Variants in PCDHA6 observed in about 807,000 individuals in gnomAD.
PCDHA6 encodes protocadherin alpha-6.
Under a neutral mutation model 60.3 loss-of-function variants are expected in PCDHA6, and 55 were observed. The observed-to-expected ratio is 0.91, with a 90% CI of 0.73 to 1.14. The LOEUF is 1.14. Among genes scored for constraint, PCDHA6 ranks in the 50% most tolerant of loss-of-function variants. The probability of loss-of-function intolerance (pLI) is 0.00; values close to 1 mark genes in which losing one functional copy is unlikely to be tolerated. For missense variants in PCDHA6, 1,327 were observed against 1,256.5 expected (o/e 1.06, Z -0.85); for synonymous variants, 652 against 557.9 (o/e 1.17, Z -2.38).
intron 1 of PCDHA6, among the ~76,000 whole-genome samples, chr5:140,933,589 G>T (rs1369666636): frequency 8.6e-5 from 13 of 152,012 alleles, no homozygotes; most frequent in Non-Finnish European, 2.9e-5. Context: ...GGGTTTTTAG[G>T]TTGATTTGTC....
intron 3 of PCDHA6, among the ~76,000 whole-genome samples, chr5:140,982,811 A>G (rs1024619481): frequency 1.3e-5 from 2 of 150,966 alleles, no homozygotes; most frequent in Non-Finnish European, 1.5e-5. Flanking sequence ...GTGTGTGTGT[A>G]TGAAGTTTTT....
intron 3 of PCDHA6, among the ~76,000 whole-genome samples, chr5:141,007,362 G>A (rs1554261189): frequency 6.8e-6 from 1 of 146,590 alleles, no homozygotes; most frequent in Non-Finnish European, 1.5e-5. Context: ...ACCAGCCTGG[G>A]CAACATGATG....
intron 1 of PCDHA6, among the ~76,000 whole-genome samples, chr5:140,917,270 T>C (rs782142831): frequency 2.6e-5 from 4 of 151,228 alleles, no homozygotes; most frequent in Admixed American, 6.6e-5. Context: ...GTTTGGTTTT[T>C]GTAATGACGC....
intron 3 of PCDHA6, among the ~76,000 whole-genome samples, chr5:140,986,524 G>C (rs2097203903): frequency 6.6e-6 from 1 of 152,198 alleles, no homozygotes; most frequent in South Asian, 2.1e-4. Flanking sequence ...GCCTGTGAGG[G>C]AACTGGCCTG....
intron 1 of PCDHA6, chr5:140,851,075 A>C: frequency 7.4e-7 from 1 of 1,344,688 alleles, no homozygotes; most frequent in South Asian, 2.1e-5. Flanking sequence ...GAGAATTATA[A>C]ACTGTATATT....
At chr5:140,833,150 C>A (rs1477440208) in intron 1 of PCDHA6, among the ~76,000 whole-genome samples, 1 of 151,886 alleles carries the variant, frequency 6.6e-6, no homozygotes, top group Admixed American at 6.6e-5. Context: ...TGAAGCAATA[C>A]GAATAAAAAG....
rs1554213921 is a variant in PCDHA6 at position 140,941,202 on chromosome 5, C to CTTTCTTTCTTTCTTTCTTT, written c.2395-37747_2395-37746insTTTCTTTCTTTCTTTCTTT. ...TCCTGCTTCTTTTTTTTTCTTTCTT[C>CTTTCTTTCTTTCTTTCTTT]CTTTCTTTCTTCCTTTCTTTCTTTC... On this transcript the variant is annotated intron_variant, in intron 1 of 3. Coordinates refer to ENST00000529310, the MANE Select transcript of PCDHA6 (RefSeq NM_018909.4). Among the ~76,000 whole-genome samples the CTTTCTTTCTTTCTTTCTTT allele has an allele frequency of 8.2e-4, 101 of 122,784 alleles. 3 individuals carry two copies. Among genetic ancestry groups the CTTTCTTTCTTTCTTTCTTT allele is most frequent in the East Asian group, 3.5e-3 (16 of 4,514 alleles). The allele number at this position is 122,784 out of a possible 152,430, so 80.6% of individuals were successfully genotyped here. A position where few individuals can be genotyped will look rare whatever the true frequency, so the allele number is the denominator to read the frequency against.
At chr5:140,943,854 CAAG>C (rs1298449902) in intron 1 of PCDHA6, among the ~76,000 whole-genome samples, 7 of 152,158 alleles carry the variant, frequency 4.6e-5, no homozygotes, top group African/African-American at 1.7e-4. Flanking sequence ...TCACAGAAGT[CAAG>C]AAGAGGTCTC....
chr5:140,831,520 CTTT>C (rs2150195630), intron 1 of PCDHA6, among the ~76,000 whole-genome samples: 2,202 of 122,358 alleles, frequency 0.018, 60 homozygotes, highest in African/African-American at 0.054. Context: ...TGCCCCCCAC[CTTT>C]TTTTTTTTTT....
intron 1 of PCDHA6, chr5:140,871,317 G>A: frequency 6.2e-7 from 1 of 1,614,080 alleles, no homozygotes; most frequent in Non-Finnish European, 8.5e-7. Flanking sequence ...AGCCCACGCT[G>A]GTGTGCTCCC....
chr5:140,829,691 C>T lies in PCDHA6; in HGVS notation c.1600C>T (p.Gln534Ter). 6.2e-7 allele frequency: 1 copy of T among 1,613,260 alleles called. No individual in the cohort carries two copies. Among genetic ancestry groups the T allele is most frequent in the Non-Finnish European group, 8.5e-7 (1 of 1,179,864 alleles). Residue 534 changes from glutamine to a stop codon, truncating the protein, a stop_gained, in exon 1 of 4, where the codon CAG (glutamine) becomes TAG (stop). Coordinates refer to ENST00000529310, the MANE Select transcript of PCDHA6 (RefSeq NM_018909.4). LOFTEE classifies it high-confidence loss of function. ...DHEELELLQFQVSARDAGVPP... is the reference protein window; with the variant it reads ...DHEELELLQF ...CGAGGAGCTAGAGCTGCTGCAGTTTCAGGTGAGCGCGCGCGACGCGGGCGT... is the reference window on the plus strand; with the variant it reads ...CGAGGAGCTAGAGCTGCTGCAGTTTTAGGTGAGCGCGCGCGACGCGGGCGT...
intron 1 of PCDHA6, among the ~76,000 whole-genome samples, chr5:140,892,669 C>T (rs1361630982): frequency 2.6e-5 from 4 of 152,134 alleles, no homozygotes; most frequent in African/African-American, 9.7e-5. Context: ...CATTTTGATA[C>T]ATATATACAA....
chr5:140,941,841 A>G (rs1483251367), intron 1 of PCDHA6, among the ~76,000 whole-genome samples: 1 of 152,180 alleles, frequency 6.6e-6, no homozygotes, highest in Non-Finnish European at 1.5e-5. Flanking sequence ...TTAGGCTGCC[A>G]TTACCTGATA....
chr5:140,851,068 AATT>A, intron 1 of PCDHA6: 1 of 1,354,280 alleles, frequency 7.4e-7, no homozygotes, highest in Non-Finnish European at 9.7e-7. Context: ...TTCTAGTGAG[AATT>A]ATAAACTGTA....
chr5:140,967,495 C>G, intron 1 of PCDHA6: 1 of 1,613,306 alleles, frequency 6.2e-7, no homozygotes. Flanking sequence ...CGGCACAGAT[C>G]TCTGTGCGTG....
At chr5:140,962,191 T>C (rs2095664022) in intron 1 of PCDHA6, among the ~76,000 whole-genome samples, 1 of 152,210 alleles carries the variant, frequency 6.6e-6, no homozygotes, top group African/African-American at 2.4e-5. Flanking sequence ...ATCACTTTTA[T>C]GCTTCCTATC....
intron 1 of PCDHA6, chr5:140,842,293 C>A: frequency 6.2e-7 from 1 of 1,609,994 alleles, no homozygotes; most frequent in Non-Finnish European, 8.5e-7. Context: ...ACGCCACGGA[C>A]AAAGGCCATC....
chr5:140,947,551 C>G (rs1203978810), intron 1 of PCDHA6, among the ~76,000 whole-genome samples: 3 of 151,488 alleles, frequency 2.0e-5, no homozygotes, highest in Non-Finnish European at 4.4e-5. Context: ...AAGAATTCCG[C>G]TGGGATTTAT....
chr5:140,994,189 G>T (rs992894961), intron 3 of PCDHA6, among the ~76,000 whole-genome samples: 2 of 152,176 alleles, frequency 1.3e-5, no homozygotes, highest in Admixed American at 6.5e-5. Context: ...AACCACCAGG[G>T]CCTGTTGGTC....
Sources: gnomAD v4.1 joint callset for allele counts (sites outside exome capture counted in the v4.1 genomes callset) on GRCh38, gnomAD v4.1.1 for gene constraint, MANE v1.5 for transcripts, NCBI Gene and HGNC (gene_info 2026-07-23, HGNC 2026-07-21) for gene names.